Variants in ENTPD5 observed in about 807,000 individuals in gnomAD.
The protein encoded by ENTPD5 is ectonucleoside triphosphate diphosphohydrolase 5 (inactive).
A neutral mutation model predicts 60.2 loss-of-function variants in ENTPD5; 49 were observed. The ratio of observed to expected loss-of-function variants is 0.81; its 90% CI spans 0.65 to 1.03. ENTPD5 has a LOEUF of 1.03. ENTPD5 is among the 50% of genes least tolerant of loss of function. The pLI is 0.00. For missense variants in ENTPD5, 480 were observed against 507.6 expected, an observed-to-expected ratio of 0.95 and a Z score of 0.52; for synonymous variants, 187 against 185.4, an observed-to-expected ratio of 1.01 and a Z score of -0.07.
chr14:73,962,879 G>A (rs886524546), downstream of ENTPD5: 2 of 1,094,764 alleles, frequency 1.8e-6, no homozygotes, highest in African/African-American at 1.6e-5. Flanking sequence ...AAGGACACTT[G>A]GGAAGAATAC....
intron 2 of ENTPD5, among the ~76,000 whole-genome samples, chr14:74,015,085 A>C (rs573788462): frequency 6.6e-6 from 1 of 152,028 alleles, no homozygotes; most frequent in Non-Finnish European, 1.5e-5. Flanking sequence ...CCTCTCAAAA[A>C]AAAAAAAAAA....
At position 74,006,584 on chromosome 14, in the gene ENTPD5, T is replaced by C. The variant is rs1325197080; in HGVS notation, c.-71+4507A>G. Among the ~76,000 whole-genome samples the C allele has an allele frequency of 5.1e-5, 7 of 137,456 alleles. No homozygotes were observed. In the South Asian group the frequency reaches 7.1e-4, roughly 14 times the overall value. The allele number at this position is 137,456 out of a possible 152,430, so 90.2% of individuals were successfully genotyped here. A position where few individuals can be genotyped will look rare whatever the true frequency, so the allele number is the denominator to read the frequency against. On this transcript the variant is annotated intron_variant, in intron 3 of 15. Transcript: ENST00000334696. ...AGGTGTGAGCCACCACACCCGGCCC[T>C]TTTTTTTTTTTTTTTAAATGAGAAG...
chr14:74,014,725 G>A (rs995842567), intron 2 of ENTPD5, among the ~76,000 whole-genome samples: 2 of 152,100 alleles, frequency 1.3e-5, no homozygotes, highest in South Asian at 2.1e-4. Context: ...TTAATATCAC[G>A]AGAAAATGTC....
At chr14:73,968,744 A>G (rs1053645496) in intron 15 of ENTPD5, among the ~76,000 whole-genome samples, 1 of 152,144 alleles carries the variant, frequency 6.6e-6, no homozygotes, top group African/African-American at 2.4e-5. Flanking sequence ...GATATTCTAC[A>G]TAAGTTTTTG....
At chr14:73,968,668 C>T (rs1050241857) in intron 15 of ENTPD5, among the ~76,000 whole-genome samples, 1 of 152,082 alleles carries the variant, frequency 6.6e-6, no homozygotes, top group African/African-American at 2.4e-5. Context: ...TCAGGTGATC[C>T]GCCCGCCTCA....
At chr14:73,997,800 G>A (rs1267899217) in intron 3 of ENTPD5, among the ~76,000 whole-genome samples, 1 of 152,108 alleles carries the variant, frequency 6.6e-6, no homozygotes, top group African/African-American at 2.4e-5. Context: ...CCAAAGACAG[G>A]TATTAATATT....
At chr14:73,999,758 C>T (rs1359564535) in intron 3 of ENTPD5, among the ~76,000 whole-genome samples, 3 of 151,330 alleles carry the variant, frequency 2.0e-5, no homozygotes, top group Non-Finnish European at 4.4e-5. Context: ...AGCCACTGCA[C>T]TCTAGACTGG....
At chr14:74,011,660 T>C (rs567150934) in intron 2 of ENTPD5, among the ~76,000 whole-genome samples, 9 of 152,072 alleles carry the variant, frequency 5.9e-5, no homozygotes, top group Non-Finnish European at 1.3e-4. Context: ...TAGCCAGGTG[T>C]GGTGGCATGT....
At chr14:73,996,698 C>T (rs1313004062) in intron 3 of ENTPD5, 2 of 152,118 alleles carry the variant, frequency 1.3e-5, no homozygotes, top group Non-Finnish European at 2.9e-5. Flanking sequence ...AATCTTAGCA[C>T]TTTGGAAGGT....
At chr14:73,957,430 C>G (rs1275784743), downstream of ENTPD5, among the ~76,000 whole-genome samples, 1 of 152,166 alleles carries the variant, frequency 6.6e-6, no homozygotes, top group Non-Finnish European at 1.5e-5. Flanking sequence ...GACTGACATA[C>G]AAAAAGCTGT....
rs1014090770 is a variant in ENTPD5 at position 73,967,019 on chromosome 14, T to C, written c.1201-5A>G. 3.7e-6 allele frequency: 6 copies of C among 1,613,116 alleles called. No homozygotes were observed. In the African/African-American group the frequency reaches 8.0e-5, roughly 22 times the overall value. On this transcript the variant is annotated splice_region_variant and splice_polypyrimidine_tract_variant and intron_variant, in intron 15 of 15. Coordinates refer to ENST00000334696, the MANE Select transcript of ENTPD5 (RefSeq NM_001249.5). Reference sequence around the variant, plus strand: ...GTTGTTCACTTTCTTTGTGAGCTGTTGAGAAGAAAAAAAGTCTTCACCTTT... The same window carrying C: ...GTTGTTCACTTTCTTTGTGAGCTGTCGAGAAGAAAAAAAGTCTTCACCTTT...
rs191165116 is a variant in ENTPD5 at position 73,966,242 on chromosome 14, T to C, written c.*686A>G. On this transcript the variant is annotated 3_prime_UTR_variant, in exon 16 of 16. Coordinates refer to ENST00000334696, the MANE Select transcript of ENTPD5 (RefSeq NM_001249.5). Reference sequence around the variant, plus strand: ...GATAAAATGCTGATTAAAGCAAAGGTAGGCTATATGAGGCAGCCACACCCT... The same window carrying C: ...GATAAAATGCTGATTAAAGCAAAGGCAGGCTATATGAGGCAGCCACACCCT... The C allele has an allele frequency of 3.3e-5, 5 of 152,312 alleles. No homozygotes were observed. The highest frequency in any genetic ancestry group is 6.5e-5 in the Admixed American group (1 of 15,284). The allele number at this position is 152,312 out of a possible 1,614,324, so 9.4% of individuals were successfully genotyped here. A position where few individuals can be genotyped will look rare whatever the true frequency, so the allele number is the denominator to read the frequency against.
intron 8 of ENTPD5, among the ~76,000 whole-genome samples, chr14:73,976,657 G>C (rs2057458947): frequency 6.6e-6 from 1 of 151,736 alleles, no homozygotes; most frequent in Non-Finnish European, 1.5e-5. Context: ...CCAGCCTGGA[G>C]TGCAGTGGCG....
At chr14:74,007,463 A>G (rs925703018) in intron 3 of ENTPD5, among the ~76,000 whole-genome samples, 3 of 152,052 alleles carry the variant, frequency 2.0e-5, no homozygotes, top group Non-Finnish European at 4.4e-5. Context: ...CAGAGGTTGC[A>G]GTGAGCTGAG....
chr14:73,964,575 T>C lies in ENTPD5; in HGVS notation c.*2353A>G, dbSNP rs765445987. 1 of 152,198 alleles carries C rather than the reference T, an allele frequency of 6.6e-6. No homozygotes were observed. The highest frequency in any genetic ancestry group is 2.4e-5 in the African/African-American group (1 of 41,444). 9.4% of individuals were successfully genotyped at this position (152,198 alleles called of 1,614,324 possible). On this transcript the variant is annotated 3_prime_UTR_variant, in exon 16 of 16. Transcript: ENST00000334696. Reference sequence around the variant, plus strand: ...CCACAGTGATTAAAGACCAGAGACTTATATCTCTGCATTTGTCAAGCTGGA... The same window carrying C: ...CCACAGTGATTAAAGACCAGAGACTCATATCTCTGCATTTGTCAAGCTGGA...
rs577554614 is a variant in ENTPD5, at chr14:73,988,715, T to C, written c.-70-543A>G. ...GCCCCTCTGGTAACTGTCATTCTAT[T>C]CTACTTCCATGAAATCAACTTTTTT... is the stretch of plus-strand genomic sequence containing the variant. On this transcript the variant is annotated intron_variant, in intron 3 of 15. Transcript: ENST00000334696. 9.2e-5 allele frequency among the ~76,000 whole-genome samples: 14 copies of C among 152,332 alleles called. No individual in the cohort carries two copies. In the South Asian group the frequency reaches 2.7e-3, roughly 29 times the overall value.
rs773063454 is a variant in ENTPD5, at chr14:73,987,921, CG to C, written c.181del (p.Arg61GlufsTer18). ...IMFDAGSTGT[R>X]IHVYTFVQKM... ...CTGCACAAAGGTGTAAACATGAATT[CG>C]AGTTCCAGTGCTCCCTGCATCAAAC... On this transcript the variant is annotated frameshift_variant, in exon 4 of 16. Coordinates refer to ENST00000334696, the MANE Select transcript of ENTPD5 (RefSeq NM_001249.5). LOFTEE classifies it high-confidence loss of function. The C allele has an allele frequency of 6.2e-7, 1 of 1,614,136 alleles. No homozygotes were observed. The highest frequency in any genetic ancestry group is 1.1e-5 in the South Asian group (1 of 91,080).
downstream of ENTPD5, chr14:73,959,499 G>A (rs771744206): frequency 7.4e-6 from 12 of 1,614,116 alleles, no homozygotes; most frequent in Non-Finnish European, 9.3e-6. Context: ...GGAAAAATTT[G>A]TGGATGCCGT....
At chr14:74,016,164 C>G in intron 1 of ENTPD5, among the ~76,000 whole-genome samples, 1 of 152,182 alleles carries the variant, frequency 6.6e-6, no homozygotes, top group East Asian at 1.9e-4. Flanking sequence ...TGCTCACCAG[C>G]AGATGACAGT....
Sources: gnomAD v4.1 joint callset for allele counts (sites outside exome capture counted in the v4.1 genomes callset) on GRCh38, gnomAD v4.1.1 for gene constraint, MANE v1.5 for transcripts, NCBI Gene and HGNC (gene_info 2026-07-23, HGNC 2026-07-21) for gene names.